The following HS2ST1 variants were observed in gnomAD, a reference collection of about 807,000 sequenced individuals.
HS2ST1 encodes heparan sulfate 2-O-sulfotransferase 1, also known as 2-O-sulfotransferase.
In HS2ST1, 18 loss-of-function variants were observed where a neutral mutation model predicts 42.9. That is an observed-to-expected ratio of 0.42 (90% CI 0.29 to 0.62). The LOEUF (loss-of-function observed/expected upper bound fraction) is 0.62, where lower values mean the gene tolerates loss of function less well. Among genes scored for constraint, HS2ST1 ranks in the 20% least tolerant of loss-of-function variants. The pLI is 0.21. For missense variants in HS2ST1, 334 were observed against 433.8 expected (o/e 0.77, Z 2.04); for synonymous variants, 146 against 152.9 (o/e 0.95, Z 0.33).
At chr1:87,021,282 A>T (rs966708037) in intron 1 of HS2ST1, among the ~76,000 whole-genome samples, 21 of 152,156 alleles carry the variant, frequency 1.4e-4, no homozygotes, top group African/African-American at 5.1e-4. Context: ...AGAAGTACGC[A>T]GTTTAGACCT....
chr1:86,932,960 C>T (rs986034077), intron 1 of HS2ST1, among the ~76,000 whole-genome samples: 3 of 151,996 alleles, frequency 2.0e-5, no homozygotes, highest in African/African-American at 7.2e-5. Flanking sequence ...GTTTCAGAAC[C>T]TTTTAAAACT....
intron 1 of HS2ST1, among the ~76,000 whole-genome samples, chr1:87,063,338 C>T (rs1471858799): frequency 6.6e-6 from 1 of 151,918 alleles, no homozygotes; most frequent in Non-Finnish European, 1.5e-5. Context: ...TCGTGTATTT[C>T]CATTTGGTTC....
rs532116328 is a variant in HS2ST1 at position 86,980,212 on chromosome 1, G to A, written c.124+65052G>A. On this transcript the variant is annotated intron_variant, in intron 1 of 6. Transcript: ENST00000370550. ...GAGAAAATCATGGCCCCTGCTTTGA[G>A]GGAACTTGCATTGTAGTGGGAGAGA... Among the ~76,000 whole-genome samples, 8 of 152,254 alleles carry A rather than the reference G, an allele frequency of 5.3e-5. No individual in the cohort carries two copies. The East Asian group carries it at 1.2e-3, about 22-fold the overall frequency.
intron 1 of HS2ST1, among the ~76,000 whole-genome samples, chr1:87,028,116 C>T (rs1437395535): frequency 1.3e-5 from 2 of 152,194 alleles, no homozygotes; most frequent in Non-Finnish European, 2.9e-5. Context: ...AAAGTTTAAA[C>T]CAAGTTCTAG....
chr1:87,012,814 T>A (rs890582534), intron 1 of HS2ST1, among the ~76,000 whole-genome samples: 1 of 152,166 alleles, frequency 6.6e-6, no homozygotes, highest in African/African-American at 2.4e-5. Context: ...ATACAGCCAT[T>A]CCAAATGGGA....
At chr1:87,101,988 G>A (rs1392602392) in intron 5 of HS2ST1, among the ~76,000 whole-genome samples, 3 of 152,150 alleles carry the variant, frequency 2.0e-5, no homozygotes, top group African/African-American at 7.2e-5. Context: ...AGTGAAGTGC[G>A]AGCAGGCACA....
At chr1:87,078,029 T>C (rs967940781) in intron 2 of HS2ST1, among the ~76,000 whole-genome samples, 1 of 152,214 alleles carries the variant, frequency 6.6e-6, no homozygotes, top group Non-Finnish European at 1.5e-5. Flanking sequence ...TGGCTTAGTC[T>C]CATAAAAGTA....
intron 1 of HS2ST1, among the ~76,000 whole-genome samples, chr1:87,058,133 A>G (rs967241997): frequency 1.3e-5 from 2 of 151,650 alleles, no homozygotes; most frequent in South Asian, 2.1e-4. Context: ...GGGTTATGCA[A>G]TCCAGAGGTC....
At chr1:87,015,372 G>A (rs1296231413) in intron 1 of HS2ST1, among the ~76,000 whole-genome samples, 1 of 112,948 alleles carries the variant, frequency 8.9e-6, no homozygotes, top group Non-Finnish European at 1.7e-5. Flanking sequence ...TTTTGAGACA[G>A]AGTCTCGTTC....
At chr1:87,066,400 C>T (rs929210600) in intron 1 of HS2ST1, among the ~76,000 whole-genome samples, 2 of 152,232 alleles carry the variant, frequency 1.3e-5, no homozygotes, top group East Asian at 3.9e-4. Flanking sequence ...CCCGTGTGAT[C>T]TGTAGGCTAT....
At chr1:87,093,996 C>A (rs1469891538) in intron 4 of HS2ST1, among the ~76,000 whole-genome samples, 1 of 152,000 alleles carries the variant, frequency 6.6e-6, no homozygotes, top group Admixed American at 6.6e-5. Flanking sequence ...ATTATTTAAT[C>A]TTCTAGAAAT....
intron 1 of HS2ST1, among the ~76,000 whole-genome samples, chr1:87,058,627 A>T (rs1377608725): frequency 6.6e-6 from 1 of 151,642 alleles, no homozygotes; most frequent in African/African-American, 2.4e-5. Flanking sequence ...TGTTTTGGTT[A>T]GGAGTATAAG....
At chr1:87,014,376 A>G (rs1649688868) in intron 1 of HS2ST1, among the ~76,000 whole-genome samples, 1 of 152,190 alleles carries the variant, frequency 6.6e-6, no homozygotes, top group Non-Finnish European at 1.5e-5. Context: ...GACTTATTTA[A>G]TAGTACAAGA....
chr1:86,958,210 T>TA (rs1200861649), intron 1 of HS2ST1, among the ~76,000 whole-genome samples: 1 of 152,206 alleles, frequency 6.6e-6, no homozygotes, highest in African/African-American at 2.4e-5. Context: ...CTAAAAAACT[T>TA]AACTACTGAT....
At chr1:87,067,804 A>G (rs1029113982) in intron 1 of HS2ST1, among the ~76,000 whole-genome samples, 10 of 151,998 alleles carry the variant, frequency 6.6e-5, no homozygotes, top group African/African-American at 1.9e-4. Context: ...AGTTTTCCCA[A>G]CACCGCTTAT....
At chr1:87,074,410 G>A (rs1360092858) in intron 2 of HS2ST1, among the ~76,000 whole-genome samples, 6 of 152,096 alleles carry the variant, frequency 3.9e-5, no homozygotes, top group African/African-American at 9.7e-5. Flanking sequence ...ATATGCTTTG[G>A]TTTAAAAGGA....
intron 1 of HS2ST1, among the ~76,000 whole-genome samples, chr1:87,021,703 A>G (rs1649958067): frequency 6.6e-6 from 1 of 152,118 alleles, no homozygotes; most frequent in African/African-American, 2.4e-5. Context: ...TTTTATGGAG[A>G]CACAGTCTCA....
chr1:86,984,245 G>A (rs1261639411), intron 1 of HS2ST1, among the ~76,000 whole-genome samples: 1 of 152,128 alleles, frequency 6.6e-6, no homozygotes, highest in Admixed American at 6.5e-5. Flanking sequence ...CAGTTATTAA[G>A]AGAGAAGCTG....
chr1:87,034,775 C>T (rs1374333175), intron 1 of HS2ST1, among the ~76,000 whole-genome samples: 1 of 152,098 alleles, frequency 6.6e-6, no homozygotes, highest in Non-Finnish European at 1.5e-5. Flanking sequence ...CAGATATGCC[C>T]ATTGTTTTCA....
Sources: allele counts gnomAD v4.1 joint callset (sites outside exome capture counted in the v4.1 genomes callset), GRCh38; gene constraint gnomAD v4.1.1; transcripts MANE v1.5; gene names NCBI Gene and HGNC (gene_info 2026-07-23, HGNC 2026-07-21).